The following RBFOX1 variants were observed in gnomAD, a reference collection of about 807,000 sequenced individuals.
RBFOX1 encodes the protein RNA binding protein fox-1 homolog 1.
Under a neutral mutation model 57.7 loss-of-function variants are expected in RBFOX1, and 8 were observed. The observed-to-expected ratio is 0.14, with a 90% CI of 0.08 to 0.25. The LOEUF (loss-of-function observed/expected upper bound fraction) is 0.25, where lower values mean the gene tolerates loss of function less well. Ranked by LOEUF, RBFOX1 falls within the 10% of genes least tolerant of loss-of-function variation. The probability of loss-of-function intolerance (pLI) is 1.00; values close to 1 mark genes in which losing one functional copy is unlikely to be tolerated. For missense variants in RBFOX1, 611 were observed against 548.5 expected, an observed-to-expected ratio of 1.11 and a Z score of -1.14; for synonymous variants, 326 against 222.4, an observed-to-expected ratio of 1.47 and a Z score of -4.15.
intron 2 of RBFOX1, among the ~76,000 whole-genome samples, chr16:5,530,082 A>C (rs1243381282): frequency 6.6e-6 from 1 of 151,976 alleles, no homozygotes; most frequent in Non-Finnish European, 1.5e-5. Flanking sequence ...ACAATAAATC[A>C]CTCTTGTTTA....
In RBFOX1 at chr16:6,019,686, G is replaced by C. The variant is rs1212800536; in HGVS notation, c.-433G>C. On this transcript the variant is annotated 5_prime_UTR_variant, in exon 1 of 16. Transcript: ENST00000550418. The surrounding 1 kb of genome is among the most constrained non-coding windows in gnomAD (Gnocchi z 4.2). ...CCGGCGTCCGGAGCAGGAGAACTCC[G>C]AGCTTCTTGCCCAGGCAGAGAGAGC... The C allele has an allele frequency of 7.5e-7, 1 of 1,333,922 alleles. No homozygotes were observed. Among genetic ancestry groups the C allele is most frequent in the African/African-American group, 1.5e-5 (1 of 65,212 alleles). 82.6% of individuals were successfully genotyped at this position (1,333,922 alleles called of 1,614,324 possible). A position where few individuals can be genotyped will look rare whatever the true frequency, so the allele number is the denominator to read the frequency against.
intron 1 of RBFOX1, among the ~76,000 whole-genome samples, chr16:5,458,394 A>AG (rs2068693730): frequency 6.6e-6 from 1 of 152,200 alleles, no homozygotes; most frequent in South Asian, 2.1e-4. Flanking sequence ...AGGGCACCAT[A>AG]GCACAGCGAG....
intron 4 of RBFOX1, among the ~76,000 whole-genome samples, chr16:7,227,384 C>T (rs1274919756): frequency 6.6e-6 from 1 of 150,864 alleles, no homozygotes; most frequent in Admixed American, 6.7e-5. Flanking sequence ...CATAATCCTC[C>T]TCTCGTAACC....
intron 2 of RBFOX1, among the ~76,000 whole-genome samples, chr16:6,599,006 T>G (rs1394359298): frequency 6.6e-6 from 1 of 152,140 alleles, no homozygotes; most frequent in African/African-American, 2.4e-5. Flanking sequence ...GCACGTAAGG[T>G]GACAACTGAC....
chr16:6,850,138 C>T (rs115169997), intron 3 of RBFOX1, among the ~76,000 whole-genome samples: 3 of 152,134 alleles, frequency 2.0e-5, no homozygotes, highest in African/African-American at 4.8e-5. Context: ...TTACAAGTTC[C>T]TGCACCCTAG....
chr16:6,479,421 C>T (rs1279702029), intron 2 of RBFOX1, among the ~76,000 whole-genome samples: 2 of 151,932 alleles, frequency 1.3e-5, no homozygotes, highest in African/African-American at 4.8e-5. Flanking sequence ...AACCCTGTCT[C>T]TACTAAAAAT....
At chr16:7,191,512 G>T (rs764117647) in intron 4 of RBFOX1, among the ~76,000 whole-genome samples, 19 of 152,066 alleles carry the variant, frequency 1.2e-4, no homozygotes, top group Non-Finnish European at 2.4e-4. Context: ...ATGTTATATT[G>T]CATATAATTT....
At chr16:5,721,492 C>G (rs185626346) in intron 3 of RBFOX1, among the ~76,000 whole-genome samples, 446 of 152,258 alleles carry the variant, frequency 2.9e-3, no homozygotes, top group African/African-American at 0.01. Flanking sequence ...GCTTGACCCT[C>G]CAGTGTAATG....
At chr16:7,187,135 C>T (rs868727245) in intron 4 of RBFOX1, among the ~76,000 whole-genome samples, 1 of 151,680 alleles carries the variant, frequency 6.6e-6, no homozygotes, top group African/African-American at 2.4e-5. Flanking sequence ...TGCCACTGCA[C>T]TCCAGCTTGG....
At chr16:7,224,318 G>C (rs1252946702) in intron 4 of RBFOX1, among the ~76,000 whole-genome samples, 1 of 152,008 alleles carries the variant, frequency 6.6e-6, no homozygotes, top group African/African-American at 2.4e-5. Context: ...AGTGTAGCAG[G>C]TTTCATATCA....
chr16:7,032,264 AAAAAAC>A (rs562577009), intron 3 of RBFOX1, among the ~76,000 whole-genome samples: 117 of 152,092 alleles, frequency 7.7e-4, no homozygotes, highest in African/African-American at 2.4e-3. Context: ...ATCTCTACTA[AAAAAAC>A]AAAAACAAAA....
At chr16:6,753,670 T>C (rs1049614902) in intron 3 of RBFOX1, among the ~76,000 whole-genome samples, 3 of 152,172 alleles carry the variant, frequency 2.0e-5, no homozygotes, top group African/African-American at 7.2e-5. Context: ...CTTCCTTTTC[T>C]GTCTCCCCGT....
At chr16:6,284,048 AG>A (rs1317636239) in intron 1 of RBFOX1, among the ~76,000 whole-genome samples, 1 of 152,186 alleles carries the variant, frequency 6.6e-6, no homozygotes, top group Non-Finnish European at 1.5e-5. Context: ...TTGCCTGTGT[AG>A]CTTGTTTTTA....
chr16:6,762,066 G>A (rs544734944), intron 3 of RBFOX1, among the ~76,000 whole-genome samples: 1 of 151,804 alleles, frequency 6.6e-6, no homozygotes, highest in East Asian at 1.9e-4. Flanking sequence ...TCTGGAGCCT[G>A]ATCTCCACAT....
At chr16:7,702,874 C>A (rs757949325) in intron 14 of RBFOX1, among the ~76,000 whole-genome samples, 6 of 152,138 alleles carry the variant, frequency 3.9e-5, no homozygotes, top group Non-Finnish European at 8.8e-5. Context: ...GTCCTCAAAC[C>A]CCAAAAATGA....
chr16:5,293,262 C>G (rs2063578557), intron 1 of RBFOX1, among the ~76,000 whole-genome samples: 1 of 152,076 alleles, frequency 6.6e-6, no homozygotes, highest in African/African-American at 2.4e-5. Flanking sequence ...GTGGAGGTGT[C>G]CTGTGTCCAC....
intron 3 of RBFOX1, among the ~76,000 whole-genome samples, chr16:6,741,230 C>T (rs1450853492): frequency 1.3e-5 from 2 of 152,008 alleles, no homozygotes; most frequent in Non-Finnish European, 2.9e-5. Context: ...AAAATTAGCT[C>T]AAAATGGATC....
intron 1 of RBFOX1, among the ~76,000 whole-genome samples, chr16:6,180,371 A>AT (rs36041640): frequency 9.9e-5 from 15 of 151,482 alleles, no homozygotes; most frequent in African/African-American, 2.7e-4. Context: ...TTCCAGAAAT[A>AT]TTTTTTTCAT....
intron 2 of RBFOX1, among the ~76,000 whole-genome samples, chr16:6,357,997 G>A (rs2087697645): frequency 1.3e-5 from 2 of 151,536 alleles, no homozygotes; most frequent in East Asian, 3.9e-4. Context: ...TGGGGCCAGA[G>A]ACCTTTGGAA....
Sources: gnomAD v4.1 joint callset for allele counts (sites outside exome capture counted in the v4.1 genomes callset) on GRCh38, gnomAD v4.1.1 for gene constraint, Gnocchi (gnomAD v3.1) non-coding constraint, MANE v1.5 for transcripts, NCBI Gene and HGNC (gene_info 2026-07-23, HGNC 2026-07-21) for gene names.